Variants in THSD4 observed in about 807,000 individuals in gnomAD.
The protein encoded by THSD4 is thrombospondin type 1 domain containing 4, also known as thrombospondin type-1 domain-containing protein 4.
In THSD4, 69 loss-of-function variants were observed where a neutral mutation model predicts 119.0. The observed-to-expected ratio is 0.58, with a 90% CI of 0.48 to 0.71. The LOEUF is 0.71. Among genes scored for constraint, THSD4 ranks in the 30% least tolerant of loss-of-function variants. The pLI is 0.00. For synonymous variants in THSD4, 524 were observed against 540.4 expected (o/e 0.97, Z 0.42); for missense variants, 1,393 against 1,391.1 (o/e 1.00, Z -0.02).
At chr15:71,605,144 C>T (rs1041474450) in intron 7 of THSD4, among the ~76,000 whole-genome samples, 2 of 152,046 alleles carry the variant, frequency 1.3e-5, no homozygotes, top group African/African-American at 4.8e-5. Flanking sequence ...AGGTGACCAG[C>T]GTCACTGGAA....
chr15:71,729,028 G>A (rs2141130416), intron 9 of THSD4: 4 of 389,206 alleles, frequency 1.0e-5, no homozygotes, highest in Non-Finnish European at 1.4e-5. Flanking sequence ...TATTTCATGA[G>A]CATTGGATCT....
intron 1 of THSD4, among the ~76,000 whole-genome samples, chr15:71,120,098 A>C (rs2040396584): frequency 6.6e-6 from 1 of 152,220 alleles, no homozygotes; most frequent in Non-Finnish European, 1.5e-5. Flanking sequence ...GGCCCCCTCA[A>C]ATCCAGGGTT....
chr15:71,306,618 C>CTGG lies in THSD4; in HGVS notation c.1015+49906_1015+49908dup, dbSNP rs2045034229. On this transcript the variant is annotated intron_variant, in intron 6 of 17. Coordinates refer to ENST00000261862, the MANE Select transcript of THSD4 (RefSeq NM_024817.3). ...CACTAGTTCAGCAATTTTCTCAACC[C>CTGG]TGGTGTCTGTTAGAGCCATACATCT... 2.0e-5 allele frequency among the ~76,000 whole-genome samples: 3 copies of CTGG among 152,182 alleles called. No homozygotes were observed. The South Asian group carries it at 6.2e-4, about 31-fold the overall frequency.
chr15:71,771,287 C>G (rs1188275257), intron 17 of THSD4, 79 bp downstream of exon 17: 17 of 1,556,624 alleles, frequency 1.1e-5, no homozygotes, highest in Non-Finnish European at 1.5e-5. Context: ...CAATAACAAG[C>G]CTCTTCTAGG....
intron 8 of THSD4, among the ~76,000 whole-genome samples, chr15:71,669,059 T>C (rs2051471167): frequency 6.6e-6 from 1 of 152,226 alleles, no homozygotes; most frequent in Non-Finnish European, 1.5e-5. Context: ...GAATGCACAC[T>C]TAAAATTCTG....
intron 7 of THSD4, among the ~76,000 whole-genome samples, chr15:71,522,614 A>C (rs574030923): frequency 6.6e-6 from 1 of 152,374 alleles, no homozygotes; most frequent in South Asian, 2.1e-4. Flanking sequence ...GTTGTCACCT[A>C]ATATGTGCCC....
At chr15:71,277,128 C>CTTTTGTTTTTTTTT (rs2044600683) in intron 6 of THSD4, among the ~76,000 whole-genome samples, 1 of 123,020 alleles carries the variant, frequency 8.1e-6, no homozygotes, top group Non-Finnish European at 1.6e-5. Flanking sequence ...TCTTCTTCTT[C>CTTTTGTTTTTTTTT]TTTTTTTTTT....
intron 7 of THSD4, among the ~76,000 whole-genome samples, chr15:71,624,485 GTA>G (rs2050473369): frequency 6.6e-6 from 1 of 152,218 alleles, no homozygotes. Flanking sequence ...AAATCTGCCA[GTA>G]TATTTCTTTG....
chr15:71,410,876 T>TACACACAC (rs147641169), intron 6 of THSD4, among the ~76,000 whole-genome samples: 1 of 150,348 alleles, frequency 6.7e-6, no homozygotes, highest in Non-Finnish European at 1.5e-5. Context: ...TACTAAAAAA[T>TACACACAC]ACACACACAC....
At chr15:71,296,048 T>A (rs1199987353) in intron 6 of THSD4, among the ~76,000 whole-genome samples, 2 of 152,216 alleles carry the variant, frequency 1.3e-5, no homozygotes, top group Non-Finnish European at 2.9e-5. Context: ...CACATGTTAT[T>A]TATCTACTTA....
intron 3 of THSD4, among the ~76,000 whole-genome samples, chr15:71,156,702 C>G (rs1387488946): frequency 6.6e-6 from 1 of 152,150 alleles, no homozygotes; most frequent in African/African-American, 2.4e-5. Context: ...AATTTATTTT[C>G]TGTTTGGGCT....
intron 6 of THSD4, among the ~76,000 whole-genome samples, chr15:71,384,509 G>C (rs976464287): frequency 2.0e-5 from 3 of 152,256 alleles, no homozygotes; most frequent in African/African-American, 4.8e-5. Flanking sequence ...CTTGCTTTTT[G>C]CCTTCTGGAT....
chr15:71,310,315 G>C (rs2045094271), intron 6 of THSD4, among the ~76,000 whole-genome samples: 1 of 152,092 alleles, frequency 6.6e-6, no homozygotes. Context: ...CTCTGTGGGG[G>C]CCAAGGAAAC....
chr15:71,653,322 G>A (rs2051128542), intron 7 of THSD4, among the ~76,000 whole-genome samples: 1 of 152,228 alleles, frequency 6.6e-6, no homozygotes, highest in African/African-American at 2.4e-5. Context: ...GTGCACTTCT[G>A]TGGAACTACC....
chr15:71,744,650 A>G (rs923863116), intron 11 of THSD4, among the ~76,000 whole-genome samples: 1 of 152,184 alleles, frequency 6.6e-6, no homozygotes, highest in Admixed American at 6.5e-5. Context: ...ACATGCACAT[A>G]TCTACCCAAA....
chr15:71,204,067 G>A (rs764004794), intron 3 of THSD4, among the ~76,000 whole-genome samples: 15 of 152,296 alleles, frequency 9.8e-5, no homozygotes, highest in South Asian at 2.1e-4. Context: ...GCCACTTGCC[G>A]TGGAGAGCAT....
chr15:71,255,820 G>A (rs2044308545), intron 5 of THSD4, among the ~76,000 whole-genome samples: 1 of 152,162 alleles, frequency 6.6e-6, no homozygotes, highest in South Asian at 2.1e-4. Flanking sequence ...AAGATTAAAT[G>A]AGTTCACATG....
At chr15:71,770,980 A>G in intron 16 of THSD4, 84 bp from the exon 17 acceptor site, 2 of 1,538,860 alleles carry the variant, frequency 1.3e-6, no homozygotes, top group Middle Eastern at 2.2e-4. Flanking sequence ...GAAATGTTTG[A>G]GATTTTCCAG....
At chr15:71,768,358 G>A (rs1415687710) in intron 16 of THSD4, among the ~76,000 whole-genome samples, 3 of 151,964 alleles carry the variant, frequency 2.0e-5, no homozygotes, top group South Asian at 2.1e-4. Flanking sequence ...AGAGGAACAC[G>A]AATTACACCG....
Sources: gnomAD v4.1 joint callset for allele counts (sites outside exome capture counted in the v4.1 genomes callset) on GRCh38, gnomAD v4.1.1 for gene constraint, MANE v1.5 for transcripts, NCBI Gene and HGNC (gene_info 2026-07-23, HGNC 2026-07-21) for gene names.